TGFA: variants seen among roughly 807,000 people sequenced by gnomAD.
TGFA encodes protransforming growth factor alpha.
Under a neutral mutation model 21.7 loss-of-function variants are expected in TGFA, and 12 were observed. That is an observed-to-expected ratio of 0.55 (90% CI 0.35 to 0.90). The LOEUF (loss-of-function observed/expected upper bound fraction) is 0.90, where lower values mean the gene tolerates loss of function less well. Among genes scored for constraint, TGFA ranks in the 40% least tolerant of loss-of-function variants. The pLI is 0.01. For synonymous variants in TGFA, 79 were observed against 88.1 expected, an observed-to-expected ratio of 0.90 and a Z score of 0.58; for missense variants, 178 against 210.8, an observed-to-expected ratio of 0.84 and a Z score of 0.96.
chr2:70,516,679 C>T (rs2103860339), intron 1 of TGFA, among the ~76,000 whole-genome samples: 1 of 152,314 alleles, frequency 6.6e-6, no homozygotes, highest in African/African-American at 2.4e-5. Flanking sequence ...TAAAACAAGG[C>T]ATCCCCATCC....
At chr2:70,504,483 T>TACACACACACACACAC (rs58997765) in intron 2 of TGFA, among the ~76,000 whole-genome samples, 2 of 92,100 alleles carry the variant, frequency 2.2e-5, no homozygotes, top group Non-Finnish European at 4.3e-5. Flanking sequence ...CATACATACA[T>TACACACACACACACAC]ACACACACAC....
Position 70,465,607 on chromosome 2 carries a change from GATA to G in TGFA, c.215+6_215+8del. The G allele has an allele frequency of 6.2e-7, 1 of 1,614,080 alleles. No individual in the cohort carries two copies. ...GCCCCAGATCTCCAGGAGAACAGGG[GATA>G]CTTACACACATGCTGGCTTGTCCTC... On this transcript the variant is annotated splice_donor_region_variant and intron_variant, in intron 3 of 5. Transcript: ENST00000295400.
chr2:70,487,889 T>C lies in TGFA; in HGVS notation c.95-22153A>G, dbSNP rs546605507. On this transcript the variant is annotated intron_variant, in intron 2 of 5. Coordinates refer to ENST00000295400, the MANE Select transcript of TGFA (RefSeq NM_003236.4). ...GGAATGCTCCTTTTTCTGAGACACATTATCAAGCTGCATTCCAGGAAATTT... is the reference window on the plus strand; with the variant it reads ...GGAATGCTCCTTTTTCTGAGACACACTATCAAGCTGCATTCCAGGAAATTT... 1.2e-4 allele frequency among the ~76,000 whole-genome samples: 18 copies of C among 152,312 alleles called. No homozygotes were observed. In the South Asian group the frequency reaches 3.3e-3, roughly 28 times the overall value.
intron 2 of TGFA, among the ~76,000 whole-genome samples, chr2:70,467,888 T>G (rs1670617736): frequency 6.6e-6 from 1 of 152,180 alleles, no homozygotes; most frequent in South Asian, 2.1e-4. Context: ...AGACACATTG[T>G]GTAGTGGTTA....
Position 70,448,654 on chromosome 2 carries a change from A to G in TGFA, c.*2205T>C, listed in dbSNP as rs1402888818. ...GCTGTTCTATCCTGAGGCATGGACAATGGTCCAACCAGGCTTGCATTGATG... is the reference window on the plus strand; with the variant it reads ...GCTGTTCTATCCTGAGGCATGGACAGTGGTCCAACCAGGCTTGCATTGATG... On this transcript the variant is annotated 3_prime_UTR_variant, in exon 6 of 6. Coordinates refer to ENST00000295400, the MANE Select transcript of TGFA (RefSeq NM_003236.4). The G allele has an allele frequency of 3.9e-5, 6 of 152,238 alleles. No individual in the cohort carries two copies. The highest frequency in any genetic ancestry group is 7.2e-5 in the African/African-American group (3 of 41,466). The allele number at this position is 152,238 out of a possible 1,614,324, so 9.4% of individuals were successfully genotyped here.
intron 1 of TGFA, among the ~76,000 whole-genome samples, chr2:70,520,330 A>C (rs115203673): frequency 0.064 from 9,664 of 152,004 alleles, 1,033 homozygotes; most frequent in African/African-American, 0.22. Context: ...AAATAGTCAA[A>C]ATTGTGAAAC....
intron 1 of TGFA, among the ~76,000 whole-genome samples, chr2:70,515,761 A>T (rs11466217): frequency 2.0e-5 from 3 of 152,158 alleles, no homozygotes; most frequent in African/African-American, 7.2e-5. Flanking sequence ...AGGCCCTGCC[A>T]GGGATAGATC....
intron 2 of TGFA, among the ~76,000 whole-genome samples, chr2:70,509,982 C>T (rs530037299): frequency 3.9e-5 from 6 of 152,356 alleles, no homozygotes; most frequent in East Asian, 1.9e-4. Context: ...CTGCCACCCT[C>T]GTCCTGCCTC....
intron 2 of TGFA, among the ~76,000 whole-genome samples, chr2:70,504,463 T>TAC (rs369622936): frequency 2.1e-3 from 102 of 48,848 alleles, no homozygotes; most frequent in African/African-American, 4.4e-3. Context: ...TATATATATA[T>TAC]ACACACATAC....
intron 1 of TGFA, among the ~76,000 whole-genome samples, chr2:70,519,057 G>A (rs1672372435): frequency 6.6e-6 from 1 of 152,184 alleles, no homozygotes; most frequent in Non-Finnish European, 1.5e-5. Flanking sequence ...GGATTCAGAC[G>A]AGGTGGTGAG....
In TGFA at chr2:70,465,799, C is replaced by T. The variant is rs1670539485; in HGVS notation, c.95-63G>A. On this transcript the variant is annotated intron_variant, in intron 2 of 5. Transcript: ENST00000295400. ...CAGCTGACATGCAAACCCCACACCT[C>T]CCACCCTACCAGTCAAGAAGGTGGA... is the stretch of plus-strand genomic sequence containing the variant. 4 of 1,596,140 alleles carry T rather than the reference C, an allele frequency of 2.5e-6. No individual in the cohort carries two copies. In the African/African-American group the frequency reaches 4.0e-5, roughly 16 times the overall value.
At chr2:70,545,383 G>A (rs529999237) in intron 1 of TGFA, among the ~76,000 whole-genome samples, 5 of 152,222 alleles carry the variant, frequency 3.3e-5, no homozygotes, top group Non-Finnish European at 5.9e-5. Context: ...AGTCTTGTGC[G>A]CTTAGTTCCT....
chr2:70,550,312 CTCATT>C (rs1673451207), intron 1 of TGFA, among the ~76,000 whole-genome samples: 2 of 152,070 alleles, frequency 1.3e-5, no homozygotes, highest in Non-Finnish European at 2.9e-5. Context: ...TATTTACCAT[CTCATT>C]TGAGTCTTAC....
intron 2 of TGFA, among the ~76,000 whole-genome samples, chr2:70,471,128 C>A (rs1306738497): frequency 6.9e-6 from 1 of 145,268 alleles, no homozygotes; most frequent in Non-Finnish European, 1.5e-5. Flanking sequence ...ACCATATAAC[C>A]AAACTTCTTA....
chr2:70,532,742 A>G (rs1228698681), intron 1 of TGFA, among the ~76,000 whole-genome samples: 1 of 152,196 alleles, frequency 6.6e-6, no homozygotes, highest in Non-Finnish European at 1.5e-5. Context: ...CTAGAGCAGA[A>G]CCCTCTCCCT....
intron 2 of TGFA, among the ~76,000 whole-genome samples, chr2:70,482,657 G>A (rs146225615): frequency 1.3e-5 from 2 of 151,930 alleles, no homozygotes; most frequent in Non-Finnish European, 2.9e-5. Context: ...TATTATAAAT[G>A]TGTCACTGTT....
At chr2:70,522,705 G>T (rs930862859) in intron 1 of TGFA, among the ~76,000 whole-genome samples, 20 of 152,172 alleles carry the variant, frequency 1.3e-4, no homozygotes, top group African/African-American at 4.8e-4. Flanking sequence ...AAAGTGCTGG[G>T]ATCACAGCCA....
At chr2:70,528,750 C>T in intron 1 of TGFA, among the ~76,000 whole-genome samples, 1 of 152,180 alleles carries the variant, frequency 6.6e-6, no homozygotes, top group East Asian at 1.9e-4. Context: ...TCAGTGAGCT[C>T]TGTGACCAAG....
intron 1 of TGFA, among the ~76,000 whole-genome samples, chr2:70,521,606 G>GTTTTTTTTTTTT (rs1559133439): frequency 4.1e-5 from 4 of 98,264 alleles, no homozygotes; most frequent in Admixed American, 2.4e-4. Flanking sequence ...TTTTTTTGTT[G>GTTTTTTTTTTTT]TTGTTTGTTT....
Sources: allele counts gnomAD v4.1 joint callset (sites outside exome capture counted in the v4.1 genomes callset), GRCh38; gene constraint gnomAD v4.1.1; transcripts MANE v1.5; gene names NCBI Gene and HGNC (gene_info 2026-07-23, HGNC 2026-07-21).